Variants in NRG3 observed in about 807,000 individuals in gnomAD.
The protein encoded by NRG3 is pro-neuregulin-3, membrane-bound isoform.
NRG3 carries 31 observed loss-of-function variants against 66.9 expected under a neutral mutation model. The ratio of observed to expected loss-of-function variants is 0.46; its 90% CI spans 0.35 to 0.63. The LOEUF is 0.63. Among genes scored for constraint, NRG3 ranks in the 20% least tolerant of loss-of-function variants. NRG3 has a pLI of 0.00. For synonymous variants in NRG3, 393 were observed against 359.4 expected (o/e 1.09, Z -1.06); for missense variants, 910 against 878.9 (o/e 1.04, Z -0.45).
intron 2 of NRG3, among the ~76,000 whole-genome samples, chr10:82,610,985 G>A (rs2048278246): frequency 6.6e-6 from 1 of 151,802 alleles, no homozygotes; most frequent in African/African-American, 2.4e-5. Context: ...CTTGGATAAG[G>A]CCAAAATATA....
At chr10:82,205,708 A>G (rs1217440641) in intron 1 of NRG3, among the ~76,000 whole-genome samples, 1 of 152,138 alleles carries the variant, frequency 6.6e-6, no homozygotes, top group African/African-American at 2.4e-5. Flanking sequence ...AAGAGGAGGG[A>G]GTTTCAGTGC....
chr10:82,302,751 A>G (rs1380784053), intron 1 of NRG3, among the ~76,000 whole-genome samples: 1 of 152,212 alleles, frequency 6.6e-6, no homozygotes, highest in Admixed American at 6.5e-5. Flanking sequence ...GATTTCGAGT[A>G]ACTTTAAATG....
chr10:82,261,086 G>T (rs2078001599), intron 1 of NRG3, among the ~76,000 whole-genome samples: 1 of 152,052 alleles, frequency 6.6e-6, no homozygotes, highest in South Asian at 2.1e-4. Flanking sequence ...AGACTGATAT[G>T]GTTTGGCTGT....
intron 1 of NRG3, among the ~76,000 whole-genome samples, chr10:81,894,351 G>GAAAT (rs1257434894): frequency 6.6e-6 from 1 of 152,060 alleles, no homozygotes; most frequent in Non-Finnish European, 1.5e-5. Flanking sequence ...AAGAAAGAAA[G>GAAAT]AAAATAATTT....
intron 3 of NRG3, among the ~76,000 whole-genome samples, chr10:82,764,776 A>G (rs1255821338): frequency 6.6e-6 from 1 of 152,172 alleles, no homozygotes; most frequent in Admixed American, 6.5e-5. Flanking sequence ...AAAATATAAG[A>G]TAGTATAAGA....
intron 1 of NRG3, among the ~76,000 whole-genome samples, chr10:81,901,981 C>T (rs1402216236): frequency 6.6e-6 from 1 of 152,136 alleles, no homozygotes; most frequent in Non-Finnish European, 1.5e-5. Context: ...TGAGTGTGTT[C>T]ACTTTATAAG....
At chr10:82,957,477 G>C (rs113602653) in intron 5 of NRG3, among the ~76,000 whole-genome samples, 6 of 151,890 alleles carry the variant, frequency 4.0e-5, no homozygotes, top group African/African-American at 1.5e-4. Context: ...AAAGTTGTCA[G>C]AATCAAAATG....
At chr10:81,938,164 C>T (rs949473633) in intron 1 of NRG3, among the ~76,000 whole-genome samples, 2 of 152,082 alleles carry the variant, frequency 1.3e-5, no homozygotes, top group African/African-American at 4.8e-5. Flanking sequence ...AATCAGGAAT[C>T]ATGAGGCTTG....
chr10:82,356,519 G>A (rs1238470907), intron 1 of NRG3, among the ~76,000 whole-genome samples: 2 of 152,134 alleles, frequency 1.3e-5, no homozygotes, highest in Non-Finnish European at 2.9e-5. Context: ...TGTTTATCAC[G>A]TACTGTCTTG....
At chr10:82,725,740 C>G (rs1455594300) in intron 2 of NRG3, among the ~76,000 whole-genome samples, 1 of 152,064 alleles carries the variant, frequency 6.6e-6, no homozygotes, top group Non-Finnish European at 1.5e-5. Context: ...AGGACACATA[C>G]AAGAAATTGT....
intron 2 of NRG3, among the ~76,000 whole-genome samples, chr10:82,678,295 A>G (rs1240869396): frequency 6.6e-6 from 1 of 152,094 alleles, no homozygotes; most frequent in Non-Finnish European, 1.5e-5. Flanking sequence ...GAGTCAGCGA[A>G]GGGAGATAGG....
chr10:82,782,378 C>A (rs1176817421), intron 3 of NRG3, among the ~76,000 whole-genome samples: 2 of 152,100 alleles, frequency 1.3e-5, no homozygotes, highest in Non-Finnish European at 2.9e-5. Flanking sequence ...GCAAGAAGGG[C>A]CTCACCAGAT....
At chr10:82,743,157 T>G (rs2058501797) in intron 3 of NRG3, among the ~76,000 whole-genome samples, 1 of 152,026 alleles carries the variant, frequency 6.6e-6, no homozygotes, top group Non-Finnish European at 1.5e-5. Context: ...TTCCTGGCTG[T>G]GATGGCAGGC....
intron 2 of NRG3, among the ~76,000 whole-genome samples, chr10:82,582,005 C>T (rs544531812): frequency 6.6e-6 from 1 of 151,980 alleles, no homozygotes; most frequent in Non-Finnish European, 1.5e-5. Flanking sequence ...TTTATAGTAT[C>T]GAATCAATAT....
At chr10:82,230,590 A>C (rs2076407550) in intron 1 of NRG3, among the ~76,000 whole-genome samples, 1 of 151,918 alleles carries the variant, frequency 6.6e-6, no homozygotes, top group Non-Finnish European at 1.5e-5. Flanking sequence ...TCCTTTAAAA[A>C]TATTCTGACA....
intron 4 of NRG3, among the ~76,000 whole-genome samples, chr10:82,936,597 G>T (rs534449645): frequency 6.6e-6 from 1 of 152,206 alleles, no homozygotes; most frequent in East Asian, 1.9e-4. Context: ...TGCCCATAGA[G>T]TGTATATTCA....
intron 1 of NRG3, among the ~76,000 whole-genome samples, chr10:82,233,449 G>C (rs2076598643): frequency 6.6e-6 from 1 of 152,178 alleles, no homozygotes; most frequent in Non-Finnish European, 1.5e-5. Flanking sequence ...GATTTTCTAA[G>C]ATATCAAAAC....
intron 1 of NRG3, among the ~76,000 whole-genome samples, chr10:81,879,124 C>T (rs556763177): frequency 3.9e-5 from 6 of 152,154 alleles, no homozygotes; most frequent in Non-Finnish European, 8.8e-5. Context: ...CCGTTTAGGC[C>T]GTGAGCTGGA....
At chr10:82,500,909 T>C (rs1346812768) in intron 2 of NRG3, among the ~76,000 whole-genome samples, 1 of 152,188 alleles carries the variant, frequency 6.6e-6, no homozygotes, top group Admixed American at 6.5e-5. Flanking sequence ...GGTAGATGGT[T>C]ATTTAATGAG....
Sources: allele counts gnomAD v4.1 joint callset (sites outside exome capture counted in the v4.1 genomes callset), GRCh38; gene constraint gnomAD v4.1.1; transcripts MANE v1.5; gene names NCBI Gene and HGNC (gene_info 2026-07-23, HGNC 2026-07-21).